DNM3: variants seen among roughly 807,000 people sequenced by gnomAD.
DNM3 encodes dynamin-3.
In DNM3, 47 loss-of-function variants were observed where a neutral mutation model predicts 101.6. The observed-to-expected ratio is 0.46, with a 90% confidence interval of 0.37 to 0.59. DNM3 has a LOEUF of 0.59. Among genes scored for constraint, DNM3 ranks in the 20% least tolerant of loss-of-function variants. The pLI is 0.00. For missense variants in DNM3, 849 were observed against 1,085.7 expected (o/e 0.78, Z 3.06); for synonymous variants, 385 against 387.9 (o/e 0.99, Z 0.09).
At chr1:172,382,044 G>C (rs1488688784) in intron 18 of DNM3, among the ~76,000 whole-genome samples, 1 of 152,134 alleles carries the variant, frequency 6.6e-6, no homozygotes, top group Non-Finnish European at 1.5e-5. Context: ...TTTACATTAA[G>C]TGTTCTGCCA....
chr1:172,104,344 A>C (rs1340549434), intron 13 of DNM3, among the ~76,000 whole-genome samples: 3 of 151,838 alleles, frequency 2.0e-5, no homozygotes, highest in Admixed American at 6.6e-5. Context: ...TTAGCTATTT[A>C]AATTTTTGTT....
chr1:171,873,898 A>T (rs1314327570), intron 1 of DNM3, among the ~76,000 whole-genome samples: 1 of 152,184 alleles, frequency 6.6e-6, no homozygotes, highest in Non-Finnish European at 1.5e-5. Context: ...TCCAAACCAG[A>T]AGCACATTTT....
intron 10 of DNM3, among the ~76,000 whole-genome samples, chr1:172,049,889 C>A (rs1321953448): frequency 6.6e-6 from 1 of 152,046 alleles, no homozygotes; most frequent in Non-Finnish European, 1.5e-5. Context: ...GTAGAAGAGG[C>A]AAATGGGCTG....
At position 172,068,871 on chromosome 1, in the gene DNM3, A is replaced by T; in HGVS notation, c.1388A>T (p.His463Leu). Residue 463 changes from histidine to leucine, a missense_variant, in exon 11 of 21, where the codon CAC becomes CTC. Coordinates refer to ENST00000627582, the MANE Select transcript of DNM3 (RefSeq NM_015569.5). ...CEETERIVANHIREREGKTKD... is the reference protein window; with the variant it reads ...CEETERIVANLIREREGKTKD... ...GAAACGGAAAGGATTGTTGCTAACC[A>T]CATTCGTGAGCGAGAAGGGAAGACA... 1 of 1,572,262 alleles carries T rather than the reference A, an allele frequency of 6.4e-7. No homozygotes were observed. The highest frequency in any genetic ancestry group is 8.6e-7 in the Non-Finnish European group (1 of 1,157,950).
At chr1:172,287,811 A>G (rs1442494876) in intron 15 of DNM3, among the ~76,000 whole-genome samples, 2 of 149,742 alleles carry the variant, frequency 1.3e-5, no homozygotes, top group Admixed American at 1.3e-4. Context: ...ACATGCACAC[A>G]CACACACACA....
In DNM3 at chr1:172,042,018, G is replaced by A. The variant is rs750400212; in HGVS notation, c.1002G>A (p.Gln334=). Residue 334 remains glutamine, a synonymous_variant, in exon 8 of 21, where the codon CAG becomes CAA. Transcript: ENST00000627582. ...TCTTTAACAATTACAGGATGGTTCAGCAATTTGCTGTGGACTTTGAGAAGA... is the reference window on the plus strand; with the variant it reads ...TCTTTAACAATTACAGGATGGTTCAACAATTTGCTGTGGACTTTGAGAAGA... ...RKTKALLQMV[Q]QFAVDFEKRI... 1.3e-6 allele frequency: 2 copies of A among 1,595,350 alleles called. No homozygotes were observed. Among genetic ancestry groups the A allele is most frequent in the Non-Finnish European group, 1.7e-6 (2 of 1,174,666 alleles).
chr1:172,196,514 A>T (rs752328122), intron 14 of DNM3, among the ~76,000 whole-genome samples: 2 of 152,082 alleles, frequency 1.3e-5, no homozygotes, highest in Non-Finnish European at 2.9e-5. Context: ...ACTAATTTAC[A>T]TTCCCACCAA....
At chr1:172,390,125 AT>A (rs1419564218) in intron 20 of DNM3, among the ~76,000 whole-genome samples, 1 of 151,962 alleles carries the variant, frequency 6.6e-6, no homozygotes, top group Non-Finnish European at 1.5e-5. Flanking sequence ...TCTCAATCCA[AT>A]TTTTTTTCTC....
In DNM3 at chr1:172,408,199, T is replaced by C; in HGVS notation, c.*358T>C. On this transcript the variant is annotated 3_prime_UTR_variant, in exon 21 of 21. Transcript: ENST00000627582. ...CTCATTAAACGTAATTCTTCAGATA[T>C]GAGATAGTGGGCTTAGACCTAAGCC... is the stretch of plus-strand genomic sequence containing the variant. The C allele has an allele frequency of 2.8e-6, 3 of 1,063,138 alleles. No homozygotes were observed. Among genetic ancestry groups the C allele is most frequent in the Non-Finnish European group, 3.4e-6 (3 of 876,928 alleles). 65.9% of individuals were successfully genotyped at this position (1,063,138 alleles called of 1,614,324 possible). A position where few individuals can be genotyped will look rare whatever the true frequency, so the allele number is the denominator to read the frequency against.
chr1:172,409,632 C>T lies in DNM3; in HGVS notation c.*1791C>T. On this transcript the variant is annotated 3_prime_UTR_variant, in exon 21 of 21. Transcript: ENST00000627582. ...ACTCTTTGTGAATGGAACCAATGTG[C>T]AAGATACATACTGCATTTTTAAAAT... 1.0e-6 allele frequency: 1 copy of T among 985,676 alleles called. No individual in the cohort carries two copies. The highest frequency in any genetic ancestry group is 1.2e-6 in the Non-Finnish European group (1 of 829,852). 61.1% of individuals were successfully genotyped at this position (985,676 alleles called of 1,614,324 possible).
chr1:172,071,422 T>C (rs1403270959), intron 11 of DNM3, among the ~76,000 whole-genome samples: 4 of 152,064 alleles, frequency 2.6e-5, no homozygotes, highest in East Asian at 1.9e-4. Context: ...GTTTTGGTAG[T>C]GTGGACATGT....
At chr1:172,103,187 C>T (rs753465921) in intron 13 of DNM3, among the ~76,000 whole-genome samples, 3 of 152,124 alleles carry the variant, frequency 2.0e-5, no homozygotes, top group Non-Finnish European at 4.4e-5. Context: ...TATATACACA[C>T]ACAAGCACAT....
intron 10 of DNM3, among the ~76,000 whole-genome samples, chr1:172,063,652 G>C (rs1410889315): frequency 6.6e-6 from 1 of 151,322 alleles, no homozygotes; most frequent in Admixed American, 6.6e-5. Context: ...GGTGGTGGGC[G>C]CCTATAGTTC....
At chr1:171,842,409 G>C (rs552542017) in intron 1 of DNM3, among the ~76,000 whole-genome samples, 108 of 152,326 alleles carry the variant, frequency 7.1e-4, no homozygotes, top group Non-Finnish European at 1.2e-3. Flanking sequence ...GACGTCGTTT[G>C]TTGTGGTGAA....
At chr1:172,359,571 C>T (rs1199664328) in intron 17 of DNM3, among the ~76,000 whole-genome samples, 3 of 150,582 alleles carry the variant, frequency 2.0e-5, no homozygotes, top group Non-Finnish European at 3.0e-5. Flanking sequence ...GTTTTAAAAG[C>T]TTCTGGTGTA....
chr1:171,876,729 G>A (rs749517851), intron 1 of DNM3, among the ~76,000 whole-genome samples: 6 of 152,330 alleles, frequency 3.9e-5, no homozygotes, highest in Non-Finnish European at 8.8e-5. Context: ...CAATTATTTT[G>A]TGTGTCACAA....
rs559691916 is a variant in DNM3, at chr1:172,293,907, A to T, written c.1770-14821A>T. Among the ~76,000 whole-genome samples, 904 of 152,330 alleles carry T rather than the reference A, an allele frequency of 5.9e-3. 8 individuals carry two copies. The highest frequency in any genetic ancestry group is 9.0e-3 in the Non-Finnish European group (610 of 68,036). On this transcript the variant is annotated intron_variant, in intron 15 of 20. Coordinates refer to ENST00000627582, the MANE Select transcript of DNM3 (RefSeq NM_015569.5). ...AATGGGCCAAAGCTGAATTCTTCAGATCTATTCAGAGAATGTGGAAAGTCT... is the reference window on the plus strand; with the variant it reads ...AATGGGCCAAAGCTGAATTCTTCAGTTCTATTCAGAGAATGTGGAAAGTCT...
chr1:171,962,668 A>C (rs868495165), intron 2 of DNM3, among the ~76,000 whole-genome samples: 7 of 152,102 alleles, frequency 4.6e-5, no homozygotes, highest in Admixed American at 2.6e-4. Context: ...CTATAAGAAG[A>C]TTCATGAGTA....
At chr1:171,877,842 G>T (rs180816866) in intron 1 of DNM3, among the ~76,000 whole-genome samples, 1 of 152,146 alleles carries the variant, frequency 6.6e-6, no homozygotes, top group African/African-American at 2.4e-5. Flanking sequence ...GATGTGAATT[G>T]CCTCATTCAT....
Sources: allele counts gnomAD v4.1 joint callset (sites outside exome capture counted in the v4.1 genomes callset), GRCh38; gene constraint gnomAD v4.1.1; transcripts MANE v1.5; gene names NCBI Gene and HGNC (gene_info 2026-07-23, HGNC 2026-07-21).